ENOSF1: variants seen among roughly 807,000 people sequenced by gnomAD.
The protein encoded by ENOSF1 is mitochondrial enolase superfamily member 1.
In ENOSF1, 73 loss-of-function variants were observed where a neutral mutation model predicts 68.2. The observed-to-expected ratio is 1.07, with a 90% CI of 0.89 to 1.30. The LOEUF (loss-of-function observed/expected upper bound fraction) is 1.30, where lower values mean the gene tolerates loss of function less well. Ranked by LOEUF, ENOSF1 falls within the 50% of genes most tolerant of loss-of-function variation. The pLI is 0.00. For missense variants in ENOSF1, 589 were observed against 554.5 expected (o/e 1.06, Z -0.62); for synonymous variants, 223 against 210.4 (o/e 1.06, Z -0.52).
At chr18:694,375 A>C in intron 3 of ENOSF1, 41 bp from the exon 4 acceptor site, 1 of 1,588,812 alleles carries the variant, frequency 6.3e-7, no homozygotes, top group Non-Finnish European at 8.6e-7. Flanking sequence ...TTTAGAAATG[A>C]AAAAGAGGGC....
rs769823052 is a variant in ENOSF1, at chr18:690,529, A to G, written c.618+20T>C. On this transcript the variant is annotated intron_variant, in intron 8 of 15. Coordinates refer to ENST00000647584, the MANE Select transcript of ENOSF1 (RefSeq NM_017512.7). ...TTTCTCCCCATTCAGCTGTCTACAA[A>G]GCCAGGTTAAAATGCCCACCTGCTT... 1.2e-6 allele frequency: 2 copies of G among 1,614,170 alleles called. No individual in the cohort carries two copies. The highest frequency in any genetic ancestry group is 2.2e-5 in the South Asian group (2 of 91,080).
In ENOSF1 at chr18:685,198, G is replaced by T. The variant is rs145813409; in HGVS notation, c.741+723C>A. Among the ~76,000 whole-genome samples, 96 of 152,014 alleles carry T rather than the reference G, an allele frequency of 6.3e-4. 1 individual carries two copies. The East Asian group carries it at 0.016, about 26-fold the overall frequency. On this transcript the variant is annotated intron_variant, in intron 10 of 15. Transcript: ENST00000647584. ...TCTTGTATTTTTCGGTACAGATGGG[G>T]TTTTTCCATGTTGCCAGGCTGATCT...
At chr18:693,269 A>T (rs2612083) in intron 5 of ENOSF1, 4 of 1,283,106 alleles carry the variant, frequency 3.1e-6, no homozygotes, top group African/African-American at 1.5e-5. Context: ...TGTACAGTAG[A>T]GGCTACAATG....
At position 700,324 on chromosome 18, in the gene ENOSF1, GA is replaced by G. The variant is rs2078199540; in HGVS notation, c.194-2970del. 3.3e-5 allele frequency among the ~76,000 whole-genome samples: 5 copies of G among 152,276 alleles called. No individual in the cohort carries two copies. The South Asian group carries it at 1.0e-3, about 32-fold the overall frequency. The stretch of plus-strand genomic sequence containing the variant: ...TGAAGGTTGATGCTCTTGAATTAAA[GA>G]AAATCTGAAGTAAGTCAGTGACTCA... On this transcript the variant is annotated intron_variant, in intron 2 of 15. Coordinates refer to ENST00000647584, the MANE Select transcript of ENOSF1 (RefSeq NM_017512.7).
Position 685,995 on chromosome 18 carries a change from C to T in ENOSF1, c.667G>A (p.Val223Met). The part of the protein sequence containing the change: ...KDGWTRFKVK[V>M]GADLQDDMRR... ...ATGTCATCCTGGAGATCAGCACCCA[C>T]CTTTACTTTAAACCTAGAAAATGCA... The change falls in exon 10 of 16, where the codon GTG (valine) becomes ATG (methionine). Residue 223 changes from valine to methionine, a missense_variant. Val to Met is a conservative substitution (Grantham distance 21). Transcript: ENST00000647584. 6.2e-7 allele frequency: 1 copy of T among 1,613,962 alleles called. No homozygotes were observed. The highest frequency in any genetic ancestry group is 8.5e-7 in the Non-Finnish European group (1 of 1,179,858).
chr18:706,686 C>A, intron 1 of ENOSF1, 108 bp from the exon 2 acceptor site: 1 of 756,302 alleles, frequency 1.3e-6, no homozygotes, highest in Non-Finnish European at 2.3e-6. Flanking sequence ...GGCCGTGCCA[C>A]AAGAGCTCCC....
chr18:674,081 GGTTA>G lies in ENOSF1; in HGVS notation c.*220_*223del, dbSNP rs2144468170. 2.5e-6 allele frequency: 1 copy of G among 404,530 alleles called. No individual in the cohort carries two copies. Among genetic ancestry groups the G allele is most frequent in the Non-Finnish European group, 4.4e-6 (1 of 227,210 alleles). The allele number at this position is 404,530 out of a possible 1,614,324, so 25.1% of individuals were successfully genotyped here. A position where few individuals can be genotyped will look rare whatever the true frequency, so the allele number is the denominator to read the frequency against. On this transcript the variant is annotated 3_prime_UTR_variant, in exon 16 of 16. Coordinates refer to ENST00000647584, the MANE Select transcript of ENOSF1 (RefSeq NM_017512.7). Reference sequence around the variant, plus strand: ...TGTAAGAACATCCTCCTGGACTTTGGGTTAGTTAAATCTAAACTTATTTAAGGAT... The same window carrying G: ...TGTAAGAACATCCTCCTGGACTTTGGGTTAAATCTAAACTTATTTAAGGAT...
In ENOSF1 at chr18:672,751, A is replaced by G; in HGVS notation, c.*1554T>C. On this transcript the variant is annotated 3_prime_UTR_variant, in exon 16 of 16. Coordinates refer to ENST00000647584, the MANE Select transcript of ENOSF1 (RefSeq NM_017512.7). ...GGTATCGACAGGATCATACTCCTGT[A>G]AAATAGAACTTTGTTGATCACATCC... 7.8e-7 allele frequency: 1 copy of G among 1,285,364 alleles called. No individual in the cohort carries two copies. Among genetic ancestry groups the G allele is most frequent in the South Asian group, 1.8e-5 (1 of 55,866 alleles). 79.6% of individuals were successfully genotyped at this position (1,285,364 alleles called of 1,614,324 possible).
intron 2 of ENOSF1, among the ~76,000 whole-genome samples, chr18:702,675 G>C (rs1243315782): frequency 6.6e-6 from 1 of 152,114 alleles, no homozygotes; most frequent in East Asian, 1.9e-4. Flanking sequence ...GGAAGGTCAA[G>C]GCTGTATGAG....
At chr18:688,987 G>C (rs1256343447) in intron 8 of ENOSF1, among the ~76,000 whole-genome samples, 1 of 152,178 alleles carries the variant, frequency 6.6e-6, no homozygotes, top group East Asian at 1.9e-4. Context: ...AGTGTAAGGA[G>C]AAACAGTAAT....
intron 11 of ENOSF1, among the ~76,000 whole-genome samples, chr18:681,445 G>A (rs1188637064): frequency 6.6e-6 from 1 of 152,234 alleles, no homozygotes; most frequent in Non-Finnish European, 1.5e-5. Flanking sequence ...CAGAGATCAG[G>A]TTGGTGCTAG....
In ENOSF1 at chr18:683,320, C is replaced by T. The variant is rs2076279488; in HGVS notation, c.802G>A (p.Ala268Thr). The change falls in exon 11 of 16, where the codon GCC becomes ACC. Residue 268 changes from alanine to threonine, a missense_variant. By Grantham distance (58) the Ala-to-Thr change is moderately conservative. Transcript: ENST00000647584. Reference sequence around the variant, plus strand: ...TCAATCCACAATGGCTTGAACTTGGCCAGCTTGGACATCCACTCCACCGCC... The same window carrying T: ...TCAATCCACAATGGCTTGAACTTGGTCAGCTTGGACATCCACTCCACCGCC... ...PEAVEWMSKL[A>T]KFKPLWIEEP... The T allele has an allele frequency of 2.5e-6, 4 of 1,614,112 alleles. No individual in the cohort carries two copies. In the South Asian group the frequency reaches 4.4e-5, roughly 18 times the overall value.
chr18:688,692 A>C, intron 8 of ENOSF1, 84 bp from the exon 9 acceptor site: 3 of 1,249,310 alleles, frequency 2.4e-6, no homozygotes, highest in Non-Finnish European at 3.5e-6. Context: ...TCTGTTTCAC[A>C]AGCATTACGG....
chr18:688,464 G>C, intron 9 of ENOSF1, 110 bp downstream of exon 9: 1 of 1,448,272 alleles, frequency 6.9e-7, no homozygotes, highest in Non-Finnish European at 9.6e-7. Flanking sequence ...GAGCCAGGGG[G>C]ATCCTAGCCC....
At position 670,581 on chromosome 18, in the gene ENOSF1, C is replaced by G; in HGVS notation, c.*3724G>C. The G allele has an allele frequency of 8.3e-7, 1 of 1,198,332 alleles. No individual in the cohort carries two copies. Among genetic ancestry groups the G allele is most frequent in the Middle Eastern group, 2.0e-4 (1 of 4,912 alleles). 74.2% of individuals were successfully genotyped at this position (1,198,332 alleles called of 1,614,324 possible). On this transcript the variant is annotated 3_prime_UTR_variant, in exon 16 of 16. Transcript: ENST00000647584. ...TCACTGCAGCCCAGTGGCTCTCTCT[C>G]CTGGTCTCCACCATATGAGTTGGCT...
At chr18:688,012 C>T (rs180689420) in intron 9 of ENOSF1, 115 of 153,420 alleles carry the variant, frequency 7.5e-4, no homozygotes, top group Middle Eastern at 6.8e-3. Context: ...ATTAAAAATA[C>T]AAAAATTAGC....
chr18:686,641 A>C (rs1224541564), intron 9 of ENOSF1: 3 of 152,330 alleles, frequency 2.0e-5, no homozygotes, highest in Admixed American at 6.5e-5. Context: ...CTCTTGAGAC[A>C]TGGGCCTCTA....
At chr18:706,447 C>A (rs1355067585) in intron 2 of ENOSF1, 23 bp downstream of exon 2, 1 of 1,476,490 alleles carries the variant, frequency 6.8e-7, no homozygotes. Flanking sequence ...CATTCTGGAA[C>A]CTCGAGAGAA....
downstream of ENOSF1, among the ~76,000 whole-genome samples, chr18:666,727 A>G (rs1431042729): frequency 1.3e-5 from 2 of 152,382 alleles, no homozygotes; most frequent in East Asian, 3.9e-4. Flanking sequence ...GTTAAATGTT[A>G]GCAACTTCAG....
Sources: gnomAD v4.1 joint callset for allele counts (sites outside exome capture counted in the v4.1 genomes callset) on GRCh38, gnomAD v4.1.1 for gene constraint, MANE v1.5 for transcripts, NCBI Gene and HGNC (gene_info 2026-07-23, HGNC 2026-07-21) for gene names.